Variants in TMEM132D observed in about 807,000 individuals in gnomAD.
The protein encoded by TMEM132D is transmembrane protein 132D.
A neutral mutation model predicts 62.3 loss-of-function variants in TMEM132D; 21 were observed. The ratio of observed to expected loss-of-function variants is 0.34; its 90% CI spans 0.24 to 0.49. The LOEUF is 0.49. Among genes scored for constraint, TMEM132D ranks in the 20% least tolerant of loss-of-function variants. The pLI, the probability that TMEM132D is intolerant of heterozygous loss-of-function variation, is 0.99. For synonymous variants in TMEM132D, 621 were observed against 575.6 expected (o/e 1.08, Z -1.13); for missense variants, 1,346 against 1,402.8 (o/e 0.96, Z 0.65).
At position 129,074,817 on chromosome 12, in the gene TMEM132D, T is replaced by TAACA. The variant is rs1437466957; in HGVS notation, c.2354_2357dup (p.Leu786PhefsTer12). 1 of 1,613,996 alleles carries TAACA rather than the reference T, an allele frequency of 6.2e-7. No homozygotes were observed. The highest frequency in any genetic ancestry group is 2.2e-5 in the East Asian group (1 of 44,884). On this transcript the variant is annotated frameshift_variant, in exon 9 of 9. Transcript: ENST00000422113. LOFTEE classifies it low-confidence loss of function (END_TRUNC). The stretch of plus-strand genomic sequence containing the variant: ...CTTTGATGTTTGCCGTTCCAACAGC[T>TAACA]AACACACTCTTCCGCTTGGATTTCT...
chr12:129,450,487 T>A (rs1472415681), intron 3 of TMEM132D, among the ~76,000 whole-genome samples: 1 of 152,176 alleles, frequency 6.6e-6, no homozygotes. Flanking sequence ...GATGCTTGGA[T>A]TTCATAGTCT....
At chr12:129,282,133 C>T (rs1396648028) in intron 4 of TMEM132D, among the ~76,000 whole-genome samples, 1 of 152,180 alleles carries the variant, frequency 6.6e-6, no homozygotes. Flanking sequence ...GTCAGAGCTA[C>T]AACATCCACA....
At chr12:129,360,469 T>A (rs1467162526) in intron 3 of TMEM132D, among the ~76,000 whole-genome samples, 3 of 151,620 alleles carry the variant, frequency 2.0e-5, no homozygotes, top group Non-Finnish European at 2.9e-5. Context: ...AGGTGGGGAG[T>A]CTCCTTGAGG....
chr12:129,562,280 C>A (rs73155296), intron 2 of TMEM132D, among the ~76,000 whole-genome samples: 1 of 151,944 alleles, frequency 6.6e-6, no homozygotes, highest in Non-Finnish European at 1.5e-5. Context: ...GCAGATTATT[C>A]CATAGTAGAT....
intron 5 of TMEM132D, among the ~76,000 whole-genome samples, chr12:129,113,800 C>T (rs1286941257): frequency 6.6e-6 from 1 of 151,764 alleles, no homozygotes; most frequent in Non-Finnish European, 1.5e-5. Flanking sequence ...AGAAGGAGAG[C>T]AATACATGGC....
intron 5 of TMEM132D, among the ~76,000 whole-genome samples, chr12:129,151,075 C>T (rs4964869): frequency 0.92 from 139,825 of 152,176 alleles, 64,429 homozygotes; most frequent in South Asian, 0.93. Flanking sequence ...TTGCAGAGCA[C>T]GCATCTAATT....
intron 1 of TMEM132D, among the ~76,000 whole-genome samples, chr12:129,823,057 G>A (rs750135578): frequency 6.6e-6 from 1 of 152,140 alleles, no homozygotes; most frequent in South Asian, 2.1e-4. Context: ...GTGAGTCATC[G>A]TGAGATCTGG....
chr12:129,491,832 C>T (rs1216328492), intron 3 of TMEM132D, among the ~76,000 whole-genome samples: 2 of 152,094 alleles, frequency 1.3e-5, no homozygotes, highest in Non-Finnish European at 2.9e-5. Flanking sequence ...ATCCCAGCTA[C>T]TTGGGAGACT....
intron 3 of TMEM132D, among the ~76,000 whole-genome samples, chr12:129,495,677 T>G (rs945767618): frequency 6.6e-6 from 1 of 152,144 alleles, no homozygotes; most frequent in African/African-American, 2.4e-5. Flanking sequence ...GAGAACAGAT[T>G]GTGAGCAATG....
chr12:129,854,754 T>C (rs1873664145), intron 1 of TMEM132D: 1 of 152,098 alleles, frequency 6.6e-6, no homozygotes, highest in South Asian at 2.1e-4. Context: ...TTTAAAGATA[T>C]GGAAATGAGA....
intron 5 of TMEM132D, among the ~76,000 whole-genome samples, chr12:129,175,040 T>C (rs1877863936): frequency 2.6e-5 from 4 of 152,220 alleles, no homozygotes; most frequent in Admixed American, 2.6e-4. Flanking sequence ...TTCACTCTTA[T>C]GATAGTTTCT....
chr12:129,167,126 C>T (rs540931025), intron 5 of TMEM132D, among the ~76,000 whole-genome samples: 6 of 150,662 alleles, frequency 4.0e-5, no homozygotes, highest in Non-Finnish European at 8.8e-5. Flanking sequence ...TGTCACTACA[C>T]TCCAGCCTGG....
chr12:129,337,481 T>A (rs2135657516), intron 4 of TMEM132D, among the ~76,000 whole-genome samples, 153 bp downstream of exon 4: 1 of 128,096 alleles, frequency 7.8e-6, no homozygotes, highest in South Asian at 2.8e-4. Flanking sequence ...ACATAACGAT[T>A]GGCTATTGGC....
chr12:129,151,418 C>T (rs1023943056), intron 5 of TMEM132D, among the ~76,000 whole-genome samples: 1 of 152,184 alleles, frequency 6.6e-6, no homozygotes, highest in African/African-American at 2.4e-5. Context: ...ACGTGAGGTG[C>T]AGAGAGGGGG....
At chr12:129,377,267 T>G (rs1254660278) in intron 3 of TMEM132D, among the ~76,000 whole-genome samples, 1 of 152,162 alleles carries the variant, frequency 6.6e-6, no homozygotes, top group Admixed American at 6.5e-5. Flanking sequence ...ACCTTGATTT[T>G]GGCCTTCCAG....
At chr12:129,101,580 C>T (rs1435983222) in intron 5 of TMEM132D, among the ~76,000 whole-genome samples, 1 of 152,190 alleles carries the variant, frequency 6.6e-6, no homozygotes, top group African/African-American at 2.4e-5. Flanking sequence ...TGAAACTCCT[C>T]ACAGTCAGAG....
Position 129,209,555 on chromosome 12 carries a change from C to G in TMEM132D, c.1408G>C (p.Val470Leu), listed in dbSNP as rs749093143. 6.2e-7 allele frequency: 1 copy of G among 1,614,156 alleles called. No individual in the cohort carries two copies. Among genetic ancestry groups the G allele is most frequent in the South Asian group, 1.1e-5 (1 of 91,080 alleles). Residue 470 changes from valine (V) to leucine (L), a missense_variant, in exon 5 of 9, where the codon GTG becomes CTG. Val to Leu is a conservative substitution (Grantham distance 32). Coordinates refer to ENST00000422113, the MANE Select transcript of TMEM132D (RefSeq NM_133448.3). ...DGTVTELLES[V>L]ECRSSDEDVI... ...TCTTCATCAGACGATCTACACTCCA[C>G]AGACTCCAGCAGCTCTGTCACTGTG...
intron 4 of TMEM132D, among the ~76,000 whole-genome samples, chr12:129,243,134 G>GTGTA: frequency 6.6e-6 from 1 of 152,282 alleles, no homozygotes; most frequent in South Asian, 2.1e-4. Flanking sequence ...ACACACGTGT[G>GTGTA]CACACACATA....
intron 5 of TMEM132D, among the ~76,000 whole-genome samples, chr12:129,185,609 A>G (rs113385880): frequency 0.047 from 7,119 of 152,072 alleles, 213 homozygotes; most frequent in African/African-American, 0.082. Flanking sequence ...AGAACAATAG[A>G]TAATTTAGTA....
Sources: allele counts gnomAD v4.1 joint callset (sites outside exome capture counted in the v4.1 genomes callset), GRCh38; gene constraint gnomAD v4.1.1; transcripts MANE v1.5; gene names NCBI Gene and HGNC (gene_info 2026-07-23, HGNC 2026-07-21).